The following SPHK2 variants were observed in gnomAD, a reference collection of about 807,000 sequenced individuals.
SPHK2 encodes sphingosine kinase 2.
A neutral mutation model predicts 32.3 loss-of-function variants in SPHK2; 18 were observed. That is an observed-to-expected ratio of 0.56 (90% CI 0.39 to 0.83). SPHK2 has a LOEUF of 0.83. SPHK2 is among the 40% of genes least tolerant of loss of function. The probability of loss-of-function intolerance (pLI) is 0.00; values close to 1 mark genes in which losing one functional copy is unlikely to be tolerated. For synonymous variants in SPHK2, 462 were observed against 417.6 expected (o/e 1.11, Z -1.30); for missense variants, 850 against 908.7 (o/e 0.94, Z 0.83).
In SPHK2 at chr19:48,620,538, G is replaced by A. The variant is rs1974359558; in HGVS notation, c.24G>A (p.Glu8=). MNGHLEA[E]EQQDQRPDQE... ...AGATGAATGGACACCTTGAAGCAGA[G>A]GAGCAGCAGGACCAGGTAAGGGACC... The change falls in exon 2 of 7, where the codon GAG becomes GAA. Residue 8 remains glutamate (E), a synonymous_variant. Coordinates refer to ENST00000245222, the MANE Select transcript of SPHK2 (RefSeq NM_020126.5). The A allele has an allele frequency of 1.9e-6, 3 of 1,613,046 alleles. No homozygotes were observed. Among genetic ancestry groups the A allele is most frequent in the Non-Finnish European group, 2.5e-6 (3 of 1,179,554 alleles).
In SPHK2 at chr19:48,626,037, C is replaced by G. The variant is rs754527162; in HGVS notation, c.186C>G (p.Gly62=). Residue 62 remains glycine, a synonymous_variant, in exon 3 of 7, where the codon GGC becomes GGG. Coordinates refer to ENST00000245222, the MANE Select transcript of SPHK2 (RefSeq NM_020126.5). ...AGTTTGGCTCCTACCCAGCCCGAGG[C>G]CCACGCTTTGCCCTCACCCTTACAT... The part of the protein sequence containing the change: ...HGEFGSYPAR[G]PRFALTLTSQ... 1 of 1,613,364 alleles carries G rather than the reference C, an allele frequency of 6.2e-7. No homozygotes were observed. The highest frequency in any genetic ancestry group is 1.3e-5 in the African/African-American group (1 of 74,948).
rs139969917 is a variant in SPHK2 at position 48,629,235 on chromosome 19, G to T, written c.1427G>T (p.Gly476Val). 1.2e-6 allele frequency: 2 copies of T among 1,613,466 alleles called. No homozygotes were observed. The highest frequency in any genetic ancestry group is 3.3e-5 in the Admixed American group (2 of 59,998). ...SPDPLLSSPP[G>V]SPKAALHSPV... ...GACCCACTGCTGTCTTCACCTCCTG[G>T]CTCTCCCAAGGCAGCTCTACACTCA... The change falls in exon 7 of 7, where the codon GGC becomes GTC. Residue 476 changes from glycine to valine, a missense_variant. Coordinates refer to ENST00000245222, the MANE Select transcript of SPHK2 (RefSeq NM_020126.5).
rs533051710 is a variant in SPHK2 at position 48,629,814 on chromosome 19, T to C, written c.*41T>C. On this transcript the variant is annotated 3_prime_UTR_variant, in exon 7 of 7. Transcript: ENST00000245222. ...GTACCCGCCGGGGGCGGGGCCTACA[T>C]TCCAATGGGGCGGAGCCTGAGCTAG... 2 of 1,523,504 alleles carry C rather than the reference T, an allele frequency of 1.3e-6. No individual in the cohort carries two copies. The highest frequency in any genetic ancestry group is 1.8e-6 in the Non-Finnish European group (2 of 1,134,636). 94.4% of individuals were successfully genotyped at this position (1,523,504 alleles called of 1,614,324 possible).
rs201009052 is a variant in SPHK2 at position 48,628,783 on chromosome 19, G to C, written c.975G>C (p.Ser325=). The part of the protein sequence containing the change: ...PLDLLSVTLA[S]GSRCFSFLSV... ...ACCTGCTCTCCGTGACGCTGGCCTCGGGCTCCCGCTGTTTCTCCTTCCTGT... is the reference window on the plus strand; with the variant it reads ...ACCTGCTCTCCGTGACGCTGGCCTCCGGCTCCCGCTGTTTCTCCTTCCTGT... The change falls in exon 7 of 7, where the codon TCG becomes TCC. Residue 325 remains serine, a synonymous_variant. Coordinates refer to ENST00000245222, the MANE Select transcript of SPHK2 (RefSeq NM_020126.5). The surrounding 1 kb of genome is among the most constrained non-coding windows in gnomAD (Gnocchi z 5.2). 3 of 1,613,494 alleles carry C rather than the reference G, an allele frequency of 1.9e-6. No homozygotes were observed. The highest frequency in any genetic ancestry group is 1.1e-5 in the South Asian group (1 of 91,088).
At position 48,629,727 on chromosome 19, in the gene SPHK2, G is replaced by A; in HGVS notation, c.1919G>A (p.Gly640Asp). ...PLQAQMHPGIGTLLTGPPGCP... is the reference protein window; with the variant it reads ...PLQAQMHPGIDTLLTGPPGCP... ...CAGGCACAGATGCACCCTGGCATCG[G>A]TACACTGCTCACTGGGCCTCCTGGC... Residue 640 changes from glycine to aspartate, a missense_variant, in exon 7 of 7, where the codon GGT (glycine) becomes GAT (aspartate). Transcript: ENST00000245222. 1 of 1,602,798 alleles carries A rather than the reference G, an allele frequency of 6.2e-7. No individual in the cohort carries two copies. Among genetic ancestry groups the A allele is most frequent in the Non-Finnish European group, 8.5e-7 (1 of 1,173,382 alleles).
chr19:48,628,703 G>A lies in SPHK2; in HGVS notation c.895G>A (p.Asp299Asn), dbSNP rs761206050. The change falls in exon 7 of 7, where the codon GAC becomes AAC. Residue 299 changes from aspartate to asparagine, a missense_variant. This residue lies in a region of SPHK2 where 544 missense variants were observed against 640.0 expected (regional missense o/e 0.85). Transcript: ENST00000245222. The surrounding 1 kb of genome is among the most constrained non-coding windows in gnomAD (Gnocchi z 5.2). ...HGGFEPALGL[D>N]LLLNCSLLLC... is the part of the protein sequence containing the mutation. ...AAGATTTGAGCCAGCCCTGGGCCTC[G>A]ACCTGTTGCTCAACTGCTCACTGTT... The A allele has an allele frequency of 8.1e-6, 13 of 1,612,036 alleles. No homozygotes were observed. Among genetic ancestry groups the A allele is most frequent in the East Asian group, 6.7e-5 (3 of 44,892 alleles).
Position 48,627,779 on chromosome 19 carries a change from G to A in SPHK2, c.599G>A (p.Cys200Tyr), listed in dbSNP as rs2030057752. The stretch of plus-strand genomic sequence containing the variant: ...GGTCGGGGCCTGGCCTGGCAGTGGT[G>A]TAAGAACCACGTGCTTCCCATGATC... ...FGGRGLAWQW[C>Y]KNHVLPMISE... is the part of the protein sequence containing the mutation. Residue 200 changes from cysteine (C) to tyrosine (Y), a missense_variant, in exon 4 of 7, where the codon TGT (cysteine) becomes TAT (tyrosine). Cys to Tyr is a radical substitution (Grantham distance 194). Transcript: ENST00000245222. 2 of 1,613,836 alleles carry A rather than the reference G, an allele frequency of 1.2e-6. No homozygotes were observed. The highest frequency in any genetic ancestry group is 1.1e-5 in the South Asian group (1 of 91,058).
chr19:48,622,806 C>T (rs1343359051), intron 2 of SPHK2, among the ~76,000 whole-genome samples: 1 of 131,398 alleles, frequency 7.6e-6, no homozygotes, highest in Non-Finnish European at 1.6e-5. Flanking sequence ...TGGTCTGTTG[C>T]CCAGGCTGGA....
At chr19:48,627,954 C>A (rs777507936) in intron 4 of SPHK2, 21 bp from the exon 5 acceptor site, 1 of 1,569,330 alleles carries the variant, frequency 6.4e-7, no homozygotes. Context: ...GCCTGCCTAA[C>A]AGCCCGGTAT....
rs1396943746 is a variant in SPHK2 at position 48,628,861 on chromosome 19, G to A, written c.1053G>A (p.Arg351=). The change falls in exon 7 of 7, where the codon AGG becomes AGA. Residue 351 remains arginine, a synonymous_variant. Coordinates refer to ENST00000245222, the MANE Select transcript of SPHK2 (RefSeq NM_020126.5). This position sits in a 1 kb window ranked among gnomAD's most constrained non-coding sequence, Gnocchi z 5.2. ...SDVDIQSERF[R]ALGSARFTLG... ...TGGATATCCAGAGCGAGCGCTTCAG[G>A]GCCTTGGGCAGTGCCCGCTTCACAC... The A allele has an allele frequency of 4.3e-6, 7 of 1,613,752 alleles. No homozygotes were observed. In the East Asian group the frequency reaches 8.9e-5, roughly 21 times the overall value.
In SPHK2 at chr19:48,625,874, CTCCTCCCT is replaced by C. The variant is rs1421950604; in HGVS notation, c.40-13_40-6del. 1 of 1,609,180 alleles carries C rather than the reference CTCCTCCCT, an allele frequency of 6.2e-7. No homozygotes were observed. The highest frequency in any genetic ancestry group is 8.5e-7 in the Non-Finnish European group (1 of 1,179,434). ...GGGGTCCTGAATTCTCACCCCTTCT[CTCCTCCCT>C]TCCCACAGAGGCCAGACCAGGAGCT... On this transcript the variant is annotated splice_polypyrimidine_tract_variant and intron_variant, in intron 2 of 6. Coordinates refer to ENST00000245222, the MANE Select transcript of SPHK2 (RefSeq NM_020126.5).
At chr19:48,625,069 A>ACACC in intron 2 of SPHK2, 1 of 991,940 alleles carries the variant, frequency 1.0e-6, no homozygotes, top group Admixed American at 5.7e-5. Context: ...AGGCGGCCAG[A>ACACC]CACCCAGGTC....
rs540694759 is a variant in SPHK2, at chr19:48,620,653, G to C, written c.39+100G>C. ...AAAAAAAAATTGGAGGCCAGGCGTGGTAGCTCAAGCTTGTAATCCCAGCAC... is the reference window on the plus strand; with the variant it reads ...AAAAAAAAATTGGAGGCCAGGCGTGCTAGCTCAAGCTTGTAATCCCAGCAC... On this transcript the variant is annotated intron_variant, in intron 2 of 6. Transcript: ENST00000245222. The C allele has an allele frequency of 4.7e-5, 50 of 1,061,652 alleles. No homozygotes were observed. The African/African-American group carries it at 7.3e-4, about 15-fold the overall frequency. The allele number at this position is 1,061,652 out of a possible 1,614,324, so 65.8% of individuals were successfully genotyped here.
rs1431183542 is a variant in SPHK2 at position 48,630,034 on chromosome 19, G to C, written c.*261G>C. 3.0e-6 allele frequency: 4 copies of C among 1,339,228 alleles called. No homozygotes were observed. Among genetic ancestry groups the C allele is most frequent in the Non-Finnish European group, 3.8e-6 (4 of 1,047,190 alleles). 83.0% of individuals were successfully genotyped at this position (1,339,228 alleles called of 1,614,324 possible). Reference sequence around the variant, plus strand: ...GCGTCTGATCTGGGGCCGCCCTTACGGGGCAGGGCTCAGTCCTGACGCTTG... The same window carrying C: ...GCGTCTGATCTGGGGCCGCCCTTACCGGGCAGGGCTCAGTCCTGACGCTTG... On this transcript the variant is annotated 3_prime_UTR_variant, in exon 7 of 7. Coordinates refer to ENST00000245222, the MANE Select transcript of SPHK2 (RefSeq NM_020126.5). The surrounding 1 kb of genome is among the most constrained non-coding windows in gnomAD (Gnocchi z 4.9).
chr19:48,629,048 T>C lies in SPHK2; in HGVS notation c.1240T>C (p.Ser414Pro). The C allele has an allele frequency of 6.2e-7, 1 of 1,612,702 alleles. No homozygotes were observed. Among genetic ancestry groups the C allele is most frequent in the South Asian group, 1.1e-5 (1 of 91,036 alleles). Residue 414 changes from serine to proline, a missense_variant, in exon 7 of 7, where the codon TCA (serine) becomes CCA (proline). Ser to Pro is a moderately conservative substitution (Grantham distance 74). Around this residue, in one of 2 missense-constraint regions of SPHK2, gnomAD observed 544 missense variants for 640.0 expected, o/e 0.85. Coordinates refer to ENST00000245222, the MANE Select transcript of SPHK2 (RefSeq NM_020126.5). ...AGACCCAGCCCCGCCCATGGCCCAC[T>C]CACCCCTGCATCGTTCTGTGTCTGA... ...TPDPAPPMAH[S>P]PLHRSVSDLP...
chr19:48,622,687 G>A (rs1291100781), intron 2 of SPHK2, among the ~76,000 whole-genome samples: 1 of 149,600 alleles, frequency 6.7e-6, no homozygotes, highest in Non-Finnish European at 1.5e-5. Flanking sequence ...ATCTGGTGCT[G>A]TTGCTACTGT....
At chr19:48,622,754 TCTC>T (rs1406948887) in intron 2 of SPHK2, among the ~76,000 whole-genome samples, 1 of 141,608 alleles carries the variant, frequency 7.1e-6, no homozygotes. Flanking sequence ...TACATTTGTC[TCTC>T]TTTTTTTTTT....
intron 2 of SPHK2, chr19:48,625,572 C>A: frequency 7.2e-7 from 1 of 1,384,980 alleles, no homozygotes. Flanking sequence ...CCTATGAAGG[C>A]AAGGATTTGG....
In SPHK2 at chr19:48,629,374, G is replaced by A. The variant is rs1456858577; in HGVS notation, c.1566G>A (p.Pro522=). The A allele has an allele frequency of 5.0e-6, 8 of 1,611,844 alleles. No homozygotes were observed. The highest frequency in any genetic ancestry group is 2.2e-5 in the South Asian group (2 of 91,036). The change falls in exon 7 of 7, where the codon CCG becomes CCA. Residue 522 remains proline, a synonymous_variant. Coordinates refer to ENST00000245222, the MANE Select transcript of SPHK2 (RefSeq NM_020126.5). ...TCGPPDHLLP[P]LGTPLPPDWV... is the part of the protein sequence containing the mutation. ...GCCCGCCCGACCACCTGCTGCCTCC[G>A]CTGGGCACCCCGCTGCCCCCAGACT...
Sources: allele counts gnomAD v4.1 joint callset (sites outside exome capture counted in the v4.1 genomes callset), GRCh38; gene constraint gnomAD v4.1.1; regional missense constraint gnomAD v4.1.1; non-coding constraint Gnocchi (gnomAD v3.1); transcripts MANE v1.5; gene names NCBI Gene and HGNC (gene_info 2026-07-23, HGNC 2026-07-21).